Variants in STMP1 observed in about 807,000 individuals in gnomAD.
STMP1 encodes the protein mitolamban.
STMP1 carries 7 observed loss-of-function variants against 7.0 expected under a neutral mutation model. That is an observed-to-expected ratio of 1.01 (90% confidence interval 0.57 to 1.89). The LOEUF is 1.89. STMP1 is among the 40% of genes most tolerant of loss of function. STMP1 has a pLI of 0.00. For synonymous variants in STMP1, 19 were observed against 18.4 expected, an observed-to-expected ratio of 1.03 and a Z score of -0.08; for missense variants, 45 against 53.0, an observed-to-expected ratio of 0.85 and a Z score of 0.47.
intron 1 of STMP1, among the ~76,000 whole-genome samples, chr7:135,668,717 T>G (rs373390551): frequency 6.6e-6 from 1 of 152,210 alleles, no homozygotes; most frequent in African/African-American, 2.4e-5. Flanking sequence ...TACCTGCTTG[T>G]TGAAGCCCAA....
chr7:135,662,536 C>T lies in STMP1; in HGVS notation c.-44C>T, dbSNP rs1416568710. On this transcript the variant is annotated 5_prime_UTR_variant, in exon 1 of 3. Transcript: ENST00000507606. ...GGTAGGCTCGGACCGGCCCGCGGAG[C>T]TGCTGCAGTCCTTCGCGCCCTCCTC... The T allele has an allele frequency of 5.8e-6, 9 of 1,540,614 alleles. No homozygotes were observed. Among genetic ancestry groups the T allele is most frequent in the South Asian group, 2.4e-5 (2 of 83,470 alleles).
At chr7:135,673,078 A>G (rs1029206063) in intron 2 of STMP1, 1 of 439,240 alleles carries the variant, frequency 2.3e-6, no homozygotes, top group Admixed American at 4.0e-5. Context: ...CGAGAGTAAT[A>G]TTAAGTTGGG....
At position 135,674,385 on chromosome 7, in the gene STMP1, A is replaced by G; in HGVS notation, c.*220A>G. The G allele has an allele frequency of 2.1e-6, 1 of 483,194 alleles. No homozygotes were observed. Among genetic ancestry groups the G allele is most frequent in the Non-Finnish European group, 3.7e-6 (1 of 271,684 alleles). The allele number at this position is 483,194 out of a possible 1,614,324, so 29.9% of individuals were successfully genotyped here. ...TCACCTCTTCCCATAATCCCTTTCC[A>G]ACTGCATGGGAGGTTCTAAGACTGG... On this transcript the variant is annotated 3_prime_UTR_variant, in exon 3 of 3. Coordinates refer to ENST00000507606, the MANE Select transcript of STMP1 (RefSeq NM_001130929.2).
In STMP1 at chr7:135,675,864, C is replaced by CA. The variant is rs1795407862; in HGVS notation, c.*1700dup. On this transcript the variant is annotated 3_prime_UTR_variant, in exon 3 of 3. Coordinates refer to ENST00000507606, the MANE Select transcript of STMP1 (RefSeq NM_001130929.2). Reference sequence around the variant, plus strand: ...CTGTCAATGTTGTCTTTGTGTGTGACAGATTAGGATTAAATTATGGTTTGA... The same window carrying CA: ...CTGTCAATGTTGTCTTTGTGTGTGACAAGATTAGGATTAAATTATGGTTTGA... 1 of 151,062 alleles carries CA rather than the reference C, an allele frequency of 6.6e-6. No homozygotes were observed. The highest frequency in any genetic ancestry group is 6.6e-5 in the Admixed American group (1 of 15,162). The allele number at this position is 151,062 out of a possible 1,614,324, so 9.4% of individuals were successfully genotyped here. A position where few individuals can be genotyped will look rare whatever the true frequency, so the allele number is the denominator to read the frequency against.
Position 135,662,555 on chromosome 7 carries a change from C to T in STMP1, c.-25C>T. ...GCGGAGCTGCTGCAGTCCTTCGCGCCCTCCTCGCCCTCCCCACCGACATCA... is the reference window on the plus strand; with the variant it reads ...GCGGAGCTGCTGCAGTCCTTCGCGCTCTCCTCGCCCTCCCCACCGACATCA... On this transcript the variant is annotated 5_prime_UTR_variant, in exon 1 of 3. Coordinates refer to ENST00000507606, the MANE Select transcript of STMP1 (RefSeq NM_001130929.2). 6.5e-6 allele frequency: 10 copies of T among 1,546,430 alleles called. No individual in the cohort carries two copies. The highest frequency in any genetic ancestry group is 1.2e-5 in the South Asian group (1 of 83,808).
chr7:135,670,184 A>T (rs1474268479), intron 1 of STMP1, among the ~76,000 whole-genome samples: 2 of 152,190 alleles, frequency 1.3e-5, no homozygotes, highest in Non-Finnish European at 2.9e-5. Context: ...AAAGTCTCAA[A>T]ATTATTACAG....
At chr7:135,667,920 T>C (rs76485854) in intron 1 of STMP1, among the ~76,000 whole-genome samples, 17,476 of 152,268 alleles carry the variant, frequency 0.11, 1,235 homozygotes, top group East Asian at 0.18. Context: ...GTTTTAGCTC[T>C]TACATTTAGG....
At chr7:135,662,655 C>T (rs901053085) in intron 1 of STMP1, 61 bp downstream of exon 1, 2 of 1,524,644 alleles carry the variant, frequency 1.3e-6, no homozygotes, top group East Asian at 2.6e-5. Flanking sequence ...ACCCCATTTC[C>T]CCCTTGAGGA....
At chr7:135,665,160 G>C (rs368878422) in intron 1 of STMP1, among the ~76,000 whole-genome samples, 5 of 152,306 alleles carry the variant, frequency 3.3e-5, no homozygotes, top group African/African-American at 1.2e-4. Context: ...CTCAAGTGGG[G>C]ATTAGCTTCT....
chr7:135,668,669 A>C (rs1030200058), intron 1 of STMP1, among the ~76,000 whole-genome samples: 1 of 152,164 alleles, frequency 6.6e-6, no homozygotes, highest in Non-Finnish European at 1.5e-5. Context: ...TTCCCAAAGT[A>C]CTGGGATTAC....
chr7:135,667,489 G>A (rs1386224058), intron 1 of STMP1, among the ~76,000 whole-genome samples: 1 of 152,206 alleles, frequency 6.6e-6, no homozygotes, highest in Non-Finnish European at 1.5e-5. Flanking sequence ...TGGGATTACA[G>A]GTGTGAACCA....
At chr7:135,668,342 G>C (rs937635078) in intron 1 of STMP1, among the ~76,000 whole-genome samples, 3 of 152,160 alleles carry the variant, frequency 2.0e-5, no homozygotes, top group African/African-American at 7.2e-5. Flanking sequence ...GGTACCGGGA[G>C]AGTGCTTCTC....
At chr7:135,670,477 G>C (rs1795346360) in intron 1 of STMP1, among the ~76,000 whole-genome samples, 1 of 152,108 alleles carries the variant, frequency 6.6e-6, no homozygotes, top group South Asian at 2.1e-4. Flanking sequence ...CTGTTCCTCA[G>C]ATTTAGGTTT....
Position 135,675,303 on chromosome 7 carries a change from G to C in STMP1, c.*1138G>C, listed in dbSNP as rs1228206515. 6.6e-6 allele frequency: 1 copy of C among 152,118 alleles called. No individual in the cohort carries two copies. Among genetic ancestry groups the C allele is most frequent in the East Asian group, 1.9e-4 (1 of 5,170 alleles). 9.4% of individuals were successfully genotyped at this position (152,118 alleles called of 1,614,324 possible). ...CTTATACTTTTGAGAAAGAGTCTGT[G>C]CCTAAACAAACACGTGTAACACAAA... On this transcript the variant is annotated 3_prime_UTR_variant, in exon 3 of 3. Transcript: ENST00000507606.
Position 135,675,393 on chromosome 7 carries a change from A to T in STMP1, c.*1228A>T. The T allele has an allele frequency of 6.6e-6, 1 of 151,394 alleles. No homozygotes were observed. 9.4% of individuals were successfully genotyped at this position (151,394 alleles called of 1,614,324 possible). On this transcript the variant is annotated 3_prime_UTR_variant, in exon 3 of 3. Coordinates refer to ENST00000507606, the MANE Select transcript of STMP1 (RefSeq NM_001130929.2). The stretch of plus-strand genomic sequence containing the variant: ...TTTCTTTTTTTCTTTTTTAATGGAG[A>T]TCATTCTATACCAGCATGTAAGTAG...
chr7:135,666,045 G>T (rs539850249), intron 1 of STMP1, among the ~76,000 whole-genome samples: 20 of 151,620 alleles, frequency 1.3e-4, no homozygotes, highest in African/African-American at 3.6e-4. Flanking sequence ...CGATTCTCCT[G>T]CCTTAGCCTC....
chr7:135,662,683 C>G, intron 1 of STMP1, 89 bp downstream of exon 1: 3 of 1,459,598 alleles, frequency 2.1e-6, no homozygotes, highest in Non-Finnish European at 2.8e-6. Context: ...CCCCGCCGAC[C>G]CGGCCTGGGC....
chr7:135,662,685 G>A (rs1345397967), intron 1 of STMP1, 91 bp downstream of exon 1: 1 of 1,458,534 alleles, frequency 6.9e-7, no homozygotes, highest in Non-Finnish European at 9.2e-7. Flanking sequence ...CCGCCGACCC[G>A]GCCTGGGCGT....
chr7:135,670,060 A>AT (rs1454306818), intron 1 of STMP1, among the ~76,000 whole-genome samples: 1 of 151,718 alleles, frequency 6.6e-6, no homozygotes, highest in Non-Finnish European at 1.5e-5. Flanking sequence ...CTTCCCATCT[A>AT]TTTTTCCTGT....
Sources: allele counts gnomAD v4.1 joint callset (sites outside exome capture counted in the v4.1 genomes callset), GRCh38; gene constraint gnomAD v4.1.1; transcripts MANE v1.5; gene names NCBI Gene and HGNC (gene_info 2026-07-23, HGNC 2026-07-21).